The following PRKG1 variants were observed in gnomAD, a reference collection of about 807,000 sequenced individuals.
PRKG1 encodes the protein protein kinase cGMP-dependent 1.
Under a neutral mutation model 88.1 loss-of-function variants are expected in PRKG1, and 35 were observed. The ratio of observed to expected loss-of-function variants is 0.40; its 90% confidence interval spans 0.30 to 0.53. The LOEUF is 0.53. Ranked by LOEUF, PRKG1 falls within the 20% of genes least tolerant of loss-of-function variation. The pLI is 0.59. For synonymous variants in PRKG1, 303 were observed against 292.5 expected, an observed-to-expected ratio of 1.04 and a Z score of -0.37; for missense variants, 540 against 839.8, an observed-to-expected ratio of 0.64 and a Z score of 4.41.
intron 5 of PRKG1, among the ~76,000 whole-genome samples, chr10:51,928,603 A>T (rs146038553): frequency 4.6e-5 from 7 of 152,336 alleles, no homozygotes; most frequent in East Asian, 1.9e-4. Context: ...CCCTTCTTTC[A>T]TCTGCTTCTT....
In PRKG1 at chr10:52,123,839, TA is replaced by T. The variant is rs74262042; in HGVS notation, c.936-9991del. ...TGGTAAAGGAAAAGAAAGTGAATCT[TA>T]AAAAAAAAATAAATCCTTAGAACTA... On this transcript the variant is annotated intron_variant, in intron 7 of 17. Transcript: ENST00000373980. Among the ~76,000 whole-genome samples the T allele has an allele frequency of 8.0e-5, 12 of 150,024 alleles. No homozygotes were observed. In the East Asian group the frequency reaches 1.2e-3, roughly 15 times the overall value.
intron 3 of PRKG1, among the ~76,000 whole-genome samples, chr10:51,635,814 G>A (rs567552088): frequency 6.6e-6 from 1 of 152,284 alleles, no homozygotes; most frequent in Non-Finnish European, 1.5e-5. Flanking sequence ...ATGCTTTAGA[G>A]ACAGGGAAAC....
chr10:51,538,332 A>C (rs1334586655), intron 3 of PRKG1, among the ~76,000 whole-genome samples: 1 of 133,998 alleles, frequency 7.5e-6, no homozygotes, highest in African/African-American at 2.7e-5. Context: ...ATATAATGTG[A>C]TGAACATTAT....
chr10:51,618,380 A>C (rs1330898367), intron 3 of PRKG1, among the ~76,000 whole-genome samples: 3 of 152,230 alleles, frequency 2.0e-5, no homozygotes, highest in Admixed American at 2.0e-4. Context: ...GCTTAAAGAA[A>C]GAAAGAGGTA....
chr10:51,594,323 C>T (rs959759461), intron 3 of PRKG1, among the ~76,000 whole-genome samples: 7 of 152,096 alleles, frequency 4.6e-5, no homozygotes, highest in Non-Finnish European at 7.4e-5. Flanking sequence ...CCACCATGCC[C>T]GGCCAAGGCA....
intron 3 of PRKG1, among the ~76,000 whole-genome samples, chr10:51,532,192 A>G (rs1217301366): frequency 6.6e-6 from 1 of 152,054 alleles, no homozygotes; most frequent in Non-Finnish European, 1.5e-5. Context: ...TTATTGTCAC[A>G]CCTTAGTTCA....
intron 3 of PRKG1, among the ~76,000 whole-genome samples, chr10:51,785,834 C>A (rs371741990): frequency 6.6e-6 from 1 of 152,062 alleles, no homozygotes; most frequent in Non-Finnish European, 1.5e-5. Flanking sequence ...CTACTTTTGT[C>A]GGTGACTGGG....
intron 2 of PRKG1, among the ~76,000 whole-genome samples, chr10:51,181,274 G>A (rs1252945031): frequency 1.8e-5 from 2 of 114,126 alleles, no homozygotes; most frequent in East Asian, 2.5e-4. Flanking sequence ...TCGCTCTGTC[G>A]CCCAGGCCGG....
intron 5 of PRKG1, among the ~76,000 whole-genome samples, chr10:51,947,880 C>T (rs1278632319): frequency 6.6e-6 from 1 of 152,092 alleles, no homozygotes; most frequent in Non-Finnish European, 1.5e-5. Context: ...CAGGAGATGA[C>T]AGCACCAAAG....
intron 3 of PRKG1, among the ~76,000 whole-genome samples, chr10:51,536,765 G>A (rs1022316725): frequency 8.6e-5 from 13 of 151,018 alleles, no homozygotes; most frequent in Admixed American, 7.9e-4. Context: ...TCGTCATTTA[G>A]CATTAGGTAT....
At chr10:51,270,841 G>A (rs1422748953) in intron 2 of PRKG1, among the ~76,000 whole-genome samples, 1 of 151,998 alleles carries the variant, frequency 6.6e-6, no homozygotes, top group Non-Finnish European at 1.5e-5. Context: ...AAAATATAAG[G>A]GAATCTAGAC....
At chr10:52,034,141 C>T (rs1001285755) in intron 5 of PRKG1, among the ~76,000 whole-genome samples, 13 of 152,180 alleles carry the variant, frequency 8.5e-5, no homozygotes, top group South Asian at 4.2e-4. Flanking sequence ...TTACTTCAGG[C>T]CATCTGGGCG....
At chr10:51,404,520 G>T (rs181825309) in intron 2 of PRKG1, among the ~76,000 whole-genome samples, 2 of 152,296 alleles carry the variant, frequency 1.3e-5, no homozygotes, top group East Asian at 3.9e-4. Flanking sequence ...ATGGACAAAG[G>T]TTGATCTGTG....
At chr10:52,070,744 A>G (rs1157911844) in intron 7 of PRKG1, among the ~76,000 whole-genome samples, 1 of 152,174 alleles carries the variant, frequency 6.6e-6, no homozygotes, top group Non-Finnish European at 1.5e-5. Context: ...GCCATTCTCT[A>G]CTTCTTCCTT....
intron 1 of PRKG1, among the ~76,000 whole-genome samples, chr10:51,137,110 C>T (rs1399064985): frequency 6.6e-6 from 1 of 152,080 alleles, no homozygotes; most frequent in Non-Finnish European, 1.5e-5. Context: ...TGGTCTTGAT[C>T]TCCTGACCTC....
intron 9 of PRKG1, among the ~76,000 whole-genome samples, chr10:52,203,716 T>G (rs1839736482): frequency 6.6e-6 from 1 of 152,224 alleles, no homozygotes; most frequent in Non-Finnish European, 1.5e-5. Flanking sequence ...GCATGTATAT[T>G]TAGGAGAGTT....
intron 3 of PRKG1, among the ~76,000 whole-genome samples, chr10:51,799,657 G>A (rs1036166939): frequency 6.6e-5 from 10 of 151,972 alleles, no homozygotes; most frequent in Non-Finnish European, 1.2e-4. Flanking sequence ...CAGGGAAATG[G>A]CTGTTTACTA....
intron 2 of PRKG1, among the ~76,000 whole-genome samples, chr10:51,186,315 T>C (rs1055799892): frequency 3.9e-5 from 6 of 152,044 alleles, no homozygotes; most frequent in Non-Finnish European, 5.9e-5. Flanking sequence ...CTTGGTGTTT[T>C]TTCCAACACA....
At chr10:52,040,051 TTC>T (rs1430855711) in intron 5 of PRKG1, among the ~76,000 whole-genome samples, 1 of 152,212 alleles carries the variant, frequency 6.6e-6, no homozygotes, top group Non-Finnish European at 1.5e-5. Context: ...TGTAATTTAA[TTC>T]TCTCTTTCCA....
Sources: gnomAD v4.1 joint callset for allele counts (sites outside exome capture counted in the v4.1 genomes callset) on GRCh38, gnomAD v4.1.1 for gene constraint, MANE v1.5 for transcripts, NCBI Gene and HGNC (gene_info 2026-07-23, HGNC 2026-07-21) for gene names.